RAPGEF4: variants seen among roughly 807,000 people sequenced by gnomAD.
RAPGEF4 encodes the protein Rap guanine nucleotide exchange factor 4, also known as RAP guanine-nucleotide-exchange factor (GEF) 4.
Under a neutral mutation model 147.9 loss-of-function variants are expected in RAPGEF4, and 66 were observed. The ratio of observed to expected loss-of-function variants is 0.45; its 90% CI spans 0.37 to 0.55. The LOEUF (loss-of-function observed/expected upper bound fraction) is 0.55. Ranked by LOEUF, RAPGEF4 falls within the 20% of genes least tolerant of loss-of-function variation. The pLI is 0.00. For synonymous variants in RAPGEF4, 419 were observed against 442.7 expected, an observed-to-expected ratio of 0.95 and a Z score of 0.67; for missense variants, 1,071 against 1,257.3, an observed-to-expected ratio of 0.85 and a Z score of 2.24.
At chr2:172,737,319 AAG>A (rs1164537341) in intron 1 of RAPGEF4, among the ~76,000 whole-genome samples, 2 of 152,234 alleles carry the variant, frequency 1.3e-5, no homozygotes, top group East Asian at 1.9e-4. Context: ...TAGAAGAACT[AAG>A]AGTATTTAAA....
chr2:172,865,484 A>G (rs567184156), intron 4 of RAPGEF4, among the ~76,000 whole-genome samples: 2 of 152,324 alleles, frequency 1.3e-5, no homozygotes, highest in East Asian at 3.9e-4. Context: ...GCCAAGACCA[A>G]AAAGGGCACT....
intron 1 of RAPGEF4, among the ~76,000 whole-genome samples, chr2:172,753,846 A>G (rs1200265864): frequency 6.6e-6 from 1 of 151,274 alleles, no homozygotes; most frequent in Non-Finnish European, 1.5e-5. Context: ...GGTTGCTGCT[A>G]GATTGCATCT....
chr2:172,974,329 A>G (rs1328311387), intron 10 of RAPGEF4, among the ~76,000 whole-genome samples: 1 of 152,104 alleles, frequency 6.6e-6, no homozygotes, highest in Non-Finnish European at 1.5e-5. Context: ...TTCAGAATGG[A>G]CTCATGGGTT....
intron 6 of RAPGEF4, among the ~76,000 whole-genome samples, chr2:172,935,196 G>C (rs1559131043): frequency 6.6e-6 from 1 of 152,224 alleles, no homozygotes; most frequent in South Asian, 2.1e-4. Flanking sequence ...AAACAAGAGA[G>C]GAAATTGGGG....
intron 29 of RAPGEF4, among the ~76,000 whole-genome samples, chr2:173,045,622 G>A (rs1178566393): frequency 6.6e-6 from 1 of 152,218 alleles, no homozygotes; most frequent in African/African-American, 2.4e-5. Flanking sequence ...CATGGTGCCC[G>A]TGGGAGTCTT....
At chr2:172,795,503 A>C (rs1268627577) in intron 2 of RAPGEF4, among the ~76,000 whole-genome samples, 1 of 152,256 alleles carries the variant, frequency 6.6e-6, no homozygotes, top group African/African-American at 2.4e-5. Context: ...ATAGGATATT[A>C]AGATAAAAGT....
At chr2:172,769,789 G>A (rs1697187989) in intron 1 of RAPGEF4, among the ~76,000 whole-genome samples, 1 of 151,948 alleles carries the variant, frequency 6.6e-6, no homozygotes, top group Non-Finnish European at 1.5e-5. Context: ...ATATAAGTAT[G>A]TTCCAATTAT....
At chr2:173,008,380 C>T (rs1014129202) in intron 17 of RAPGEF4, among the ~76,000 whole-genome samples, 7 of 152,120 alleles carry the variant, frequency 4.6e-5, no homozygotes, top group Admixed American at 2.0e-4. Flanking sequence ...TGTGAACATA[C>T]GTTATAAACC....
intron 23 of RAPGEF4, among the ~76,000 whole-genome samples, chr2:173,022,525 G>T (rs1696208695): frequency 6.6e-6 from 1 of 152,190 alleles, no homozygotes; most frequent in South Asian, 2.1e-4. Flanking sequence ...CATCGAGGAG[G>T]AGTCGCACAG....
Position 172,856,678 on chromosome 2 carries a change from A to G in RAPGEF4, c.444+42253A>G, listed in dbSNP as rs1165277423. On this transcript the variant is annotated intron_variant, in intron 4 of 30. Coordinates refer to ENST00000397081, the MANE Select transcript of RAPGEF4 (RefSeq NM_007023.4). ...CTTTCTCCTTAACTGAGTGGCTTGG[A>G]GTCTGCTTCACATATGTATAGTACT... Among the ~76,000 whole-genome samples the G allele has an allele frequency of 2.0e-5, 3 of 152,152 alleles. No individual in the cohort carries two copies. The East Asian group carries it at 5.8e-4, about 29-fold the overall frequency.
chr2:172,930,626 C>T (rs1685822162), intron 6 of RAPGEF4, among the ~76,000 whole-genome samples: 1 of 152,162 alleles, frequency 6.6e-6, no homozygotes, highest in Admixed American at 6.5e-5. Flanking sequence ...CAAACTAGCT[C>T]TCCTAACTGC....
In RAPGEF4 at chr2:173,047,403, C is replaced by G. The variant is rs183649833; in HGVS notation, c.2854-1197C>G. On this transcript the variant is annotated intron_variant, in intron 29 of 30. Coordinates refer to ENST00000397081, the MANE Select transcript of RAPGEF4 (RefSeq NM_007023.4). ...GTGACCAAATTTTAAAAGGTCAAAT[C>G]AATTATAATCTGTCCATTTGGTTGA... 4.0e-3 allele frequency among the ~76,000 whole-genome samples: 602 copies of G among 152,232 alleles called. 2 individuals carry two copies. Among genetic ancestry groups the G allele is most frequent in the African/African-American group, 0.014 (572 of 41,532 alleles).
chr2:172,815,520 A>C (rs944008928), intron 4 of RAPGEF4, among the ~76,000 whole-genome samples: 1 of 152,238 alleles, frequency 6.6e-6, no homozygotes, highest in Non-Finnish European at 1.5e-5. Context: ...TTTAGGAAGG[A>C]AAATTGAAAG....
intron 1 of RAPGEF4, among the ~76,000 whole-genome samples, chr2:172,790,234 C>A (rs1220330651): frequency 6.6e-6 from 1 of 152,024 alleles, no homozygotes; most frequent in Non-Finnish European, 1.5e-5. Context: ...ATCCGTTGGC[C>A]ATTTGTATGT....
chr2:172,884,954 C>T (rs2676517), intron 4 of RAPGEF4, among the ~76,000 whole-genome samples: 93,156 of 152,134 alleles, frequency 0.61, 28,913 homozygotes, highest in East Asian at 0.84. Flanking sequence ...TGCCCCTCTC[C>T]GTATACCCTT....
chr2:172,852,787 T>C (rs925896231), intron 4 of RAPGEF4, among the ~76,000 whole-genome samples: 3 of 152,140 alleles, frequency 2.0e-5, no homozygotes, highest in African/African-American at 7.2e-5. Context: ...GACATATCTT[T>C]TTATTTTTAA....
intron 4 of RAPGEF4, among the ~76,000 whole-genome samples, chr2:172,838,864 C>G (rs1691261037): frequency 6.6e-6 from 1 of 152,040 alleles, no homozygotes; most frequent in Non-Finnish European, 1.5e-5. Context: ...AAACCAAAAC[C>G]TATTTATTTG....
intron 1 of RAPGEF4, among the ~76,000 whole-genome samples, chr2:172,790,479 A>G (rs1028031453): frequency 8.5e-5 from 13 of 152,168 alleles, no homozygotes; most frequent in African/African-American, 2.9e-4. Flanking sequence ...CCAGCTGTTC[A>G]TCGTTATGAA....
intron 5 of RAPGEF4, among the ~76,000 whole-genome samples, chr2:172,921,851 C>T (rs1684797191): frequency 6.6e-6 from 1 of 152,200 alleles, no homozygotes; most frequent in Non-Finnish European, 1.5e-5. Context: ...GCTACTTGCC[C>T]CAGCTTCAAA....
Sources: gnomAD v4.1 joint callset for allele counts (sites outside exome capture counted in the v4.1 genomes callset) on GRCh38, gnomAD v4.1.1 for gene constraint, MANE v1.5 for transcripts, NCBI Gene and HGNC (gene_info 2026-07-23, HGNC 2026-07-21) for gene names.